The following PXDNL variants were observed in gnomAD, a reference collection of about 807,000 sequenced individuals.
PXDNL encodes peroxidasin like.
A neutral mutation model predicts 150.8 loss-of-function variants in PXDNL; 145 were observed. That is an observed-to-expected ratio of 0.96 (90% confidence interval 0.84 to 1.10). The LOEUF (loss-of-function observed/expected upper bound fraction) is 1.10, where lower values mean the gene tolerates loss of function less well. Among genes scored for constraint, PXDNL ranks in the 50% least tolerant of loss-of-function variants. The pLI, the probability that PXDNL is intolerant of heterozygous loss-of-function variation, is 0.00. For missense variants in PXDNL, 2,087 were observed against 1,873.9 expected (o/e 1.11, Z -2.10); for synonymous variants, 757 against 725.7 (o/e 1.04, Z -0.69).
intron 12 of PXDNL, among the ~76,000 whole-genome samples, chr8:51,443,235 T>C (rs1370737419): frequency 1.3e-5 from 2 of 152,082 alleles, no homozygotes; most frequent in Non-Finnish European, 2.9e-5. Flanking sequence ...AAAATACTAG[T>C]GGAAAAAATA....
At chr8:51,576,775 CAA>C (rs1432062446) in intron 3 of PXDNL, among the ~76,000 whole-genome samples, 3 of 151,520 alleles carry the variant, frequency 2.0e-5, no homozygotes, top group Non-Finnish European at 3.0e-5. Flanking sequence ...CCAAGACTGA[CAA>C]AGAACAAAAG....
intron 2 of PXDNL, among the ~76,000 whole-genome samples, chr8:51,598,448 T>G (rs1813621505): frequency 1.3e-5 from 2 of 152,200 alleles, no homozygotes; most frequent in Admixed American, 1.3e-4. Context: ...GAAGGGACGT[T>G]GAATTTCATC....
intron 1 of PXDNL, among the ~76,000 whole-genome samples, chr8:51,747,025 T>C (rs2036991006): frequency 6.6e-6 from 1 of 152,210 alleles, no homozygotes; most frequent in African/African-American, 2.4e-5. Flanking sequence ...CCAAGCCAAA[T>C]GTGCTGTTTT....
rs1347554152 is a variant in PXDNL, at chr8:51,808,722, A to G, written c.164+459T>C. Reference sequence around the variant, plus strand: ...TGAGGGCTCAGGACTTCACCCTCCCAGGAGGTACACACAGTACAAAGCCTA... The same window carrying G: ...TGAGGGCTCAGGACTTCACCCTCCCGGGAGGTACACACAGTACAAAGCCTA... On this transcript the variant is annotated intron_variant, in intron 1 of 22. Transcript: ENST00000356297. Among the ~76,000 whole-genome samples the G allele has an allele frequency of 2.0e-5, 3 of 152,206 alleles. No individual in the cohort carries two copies. In the East Asian group the frequency reaches 5.8e-4, roughly 29 times the overall value.
chr8:51,407,577 C>T (rs1389255220), intron 17 of PXDNL, among the ~76,000 whole-genome samples: 3 of 151,970 alleles, frequency 2.0e-5, no homozygotes, highest in Non-Finnish European at 1.5e-5. Flanking sequence ...AATACTTTAC[C>T]GAAAGACATT....
intron 12 of PXDNL, among the ~76,000 whole-genome samples, chr8:51,433,209 AAATAATAAT>A (rs71237206): frequency 0.022 from 3,162 of 144,146 alleles, 117 homozygotes; most frequent in African/African-American, 0.076. Flanking sequence ...ACTCTATCTC[AAATAATAAT>A]AATAATAATA....
Position 51,604,336 on chromosome 8 carries a change from CAT to C in PXDNL, c.237-11640_237-11639del, listed in dbSNP as rs371687337. Among the ~76,000 whole-genome samples, 332 of 152,264 alleles carry C rather than the reference CAT, an allele frequency of 2.2e-3. 2 individuals are homozygous for C. The highest frequency in any genetic ancestry group is 7.7e-3 in the African/African-American group (320 of 41,544). On this transcript the variant is annotated intron_variant, in intron 2 of 22. Transcript: ENST00000356297. The stretch of plus-strand genomic sequence containing the variant: ...ATGCAGCCATAAAAAATGATGAGTT[CAT>C]GTCCTTTGTAGGGACATGGATGAAA...
At position 51,413,201 on chromosome 8, in the gene PXDNL, A is replaced by G; in HGVS notation, c.1853T>C (p.Val618Ala). ...GTTAATTGCACTGTCAACTCTCTGT[A>G]CAGCATCAAGAATGGAAGATTCAAC... ...DFVESSILDA[V>A]QRVDSAINST... Residue 618 changes from valine to alanine, a missense_variant, in exon 15 of 23, where the codon GTA becomes GCA. By Grantham distance (64) the Val-to-Ala change is moderately conservative (BLOSUM62 0). Transcript: ENST00000356297. 2 of 1,612,930 alleles carry G rather than the reference A, an allele frequency of 1.2e-6. No individual in the cohort carries two copies. Among genetic ancestry groups the G allele is most frequent in the South Asian group, 1.1e-5 (1 of 91,056 alleles).
chr8:51,329,602 T>C (rs193233059), intron 21 of PXDNL, among the ~76,000 whole-genome samples: 282 of 152,130 alleles, frequency 1.9e-3, no homozygotes, highest in African/African-American at 6.5e-3. Flanking sequence ...GGGATAAAAA[T>C]AACTATGATT....
At chr8:51,657,320 T>C (rs967405168) in intron 1 of PXDNL, among the ~76,000 whole-genome samples, 1 of 152,216 alleles carries the variant, frequency 6.6e-6, no homozygotes, top group African/African-American at 2.4e-5. Flanking sequence ...TATAGGCAAA[T>C]TTAAAATATT....
At chr8:51,691,436 C>T (rs1468348741) in intron 1 of PXDNL, among the ~76,000 whole-genome samples, 1 of 151,986 alleles carries the variant, frequency 6.6e-6, no homozygotes, top group Non-Finnish European at 1.5e-5. Flanking sequence ...AATCTTTTCC[C>T]CTTTGCTTGT....
intron 4 of PXDNL, among the ~76,000 whole-genome samples, chr8:51,502,445 C>A (rs17266590): frequency 9.2e-5 from 14 of 152,132 alleles, no homozygotes; most frequent in Non-Finnish European, 1.3e-4. Flanking sequence ...CAGCAAAACC[C>A]ATGCTCTCTA....
At chr8:51,430,922 G>GA (rs1255691056) in intron 12 of PXDNL, among the ~76,000 whole-genome samples, 3 of 152,050 alleles carry the variant, frequency 2.0e-5, no homozygotes, top group African/African-American at 7.2e-5. Context: ...CAACAGCAAC[G>GA]AATTTCAAGC....
chr8:51,784,469 C>T (rs924934741), intron 1 of PXDNL, among the ~76,000 whole-genome samples: 1 of 152,160 alleles, frequency 6.6e-6, no homozygotes, highest in East Asian at 1.9e-4. Context: ...AATGGGAAAT[C>T]CTTGTAAGTA....
At chr8:51,533,037 C>A (rs1439574752) in intron 4 of PXDNL, among the ~76,000 whole-genome samples, 1 of 152,194 alleles carries the variant, frequency 6.6e-6, no homozygotes, top group Non-Finnish European at 1.5e-5. Context: ...AGCAGCAACT[C>A]CAGAAGCTGA....
chr8:51,474,799 T>C (rs1211798008), intron 7 of PXDNL, among the ~76,000 whole-genome samples, 173 bp downstream of exon 7: 1 of 152,202 alleles, frequency 6.6e-6, no homozygotes, highest in Non-Finnish European at 1.5e-5. Flanking sequence ...AAAAACTTCT[T>C]TAAATGAAAA....
intron 21 of PXDNL, among the ~76,000 whole-genome samples, chr8:51,326,989 A>G (rs781772433): frequency 1.4e-5 from 2 of 145,554 alleles, no homozygotes; most frequent in Non-Finnish European, 1.5e-5. Flanking sequence ...GGATAATCCC[A>G]TGTGAACAAA....
At chr8:51,557,182 A>G (rs1364536143) in intron 3 of PXDNL, among the ~76,000 whole-genome samples, 2 of 152,178 alleles carry the variant, frequency 1.3e-5, no homozygotes, top group Non-Finnish European at 2.9e-5. Context: ...ATGGAGTCAT[A>G]TATACTGAGT....
chr8:51,420,701 T>G (rs1808926299), intron 14 of PXDNL, among the ~76,000 whole-genome samples: 1 of 152,178 alleles, frequency 6.6e-6, no homozygotes, highest in Non-Finnish European at 1.5e-5. Flanking sequence ...TACTTTTGTT[T>G]TGTTTTTGAG....
Sources: allele counts gnomAD v4.1 joint callset (sites outside exome capture counted in the v4.1 genomes callset), GRCh38; gene constraint gnomAD v4.1.1; transcripts MANE v1.5; gene names NCBI Gene and HGNC (gene_info 2026-07-23, HGNC 2026-07-21).